Variants in DNAJC13 observed in about 807,000 individuals in gnomAD.
DNAJC13 encodes the protein dnaJ homolog subfamily C member 13.
In DNAJC13, 75 loss-of-function variants were observed where a neutral mutation model predicts 290.5. The ratio of observed to expected loss-of-function variants is 0.26; its 90% CI spans 0.21 to 0.31. The LOEUF is 0.31. Ranked by LOEUF, DNAJC13 falls within the 10% of genes least tolerant of loss-of-function variation. DNAJC13 has a pLI of 1.00. For missense variants in DNAJC13, 2,260 were observed against 2,674.5 expected (o/e 0.85, Z 3.42); for synonymous variants, 862 against 892.0 (o/e 0.97, Z 0.60).
chr3:132,502,273 A>G lies in DNAJC13; in HGVS notation c.4537-16A>G, dbSNP rs1245602062. ...TAACTCTGTAACAACTAATGCTCTC[A>G]TTTTTATTCTCTCAGAGTATTCCCC... On this transcript the variant is annotated splice_polypyrimidine_tract_variant and intron_variant, in intron 39 of 55. Coordinates refer to ENST00000260818, the MANE Select transcript of DNAJC13 (RefSeq NM_015268.4). 4 of 1,541,038 alleles carry G rather than the reference A, an allele frequency of 2.6e-6. No individual in the cohort carries two copies. The highest frequency in any genetic ancestry group is 1.3e-5 in the South Asian group (1 of 79,634).
chr3:132,487,559 A>ATTTTTTTTTTTGTTTTTTTTTTTTTT (rs1934919221), intron 29 of DNAJC13, among the ~76,000 whole-genome samples: 1 of 110,502 alleles, frequency 9.0e-6, no homozygotes, highest in African/African-American at 5.3e-5. Context: ...CCTGGCTGTA[A>ATTTTTTTTTTTGTTTTTTTTTTTTTT]TTTTTTTTTT....
At chr3:132,436,496 A>T (rs998815530) in intron 2 of DNAJC13, among the ~76,000 whole-genome samples, 1 of 152,250 alleles carries the variant, frequency 6.6e-6, no homozygotes, top group Admixed American at 6.5e-5. Flanking sequence ...TATTATGAAT[A>T]ATGCCACTGT....
At chr3:132,525,195 C>T (rs1936216248) in intron 51 of DNAJC13, among the ~76,000 whole-genome samples, 1 of 152,108 alleles carries the variant, frequency 6.6e-6, no homozygotes, top group African/African-American at 2.4e-5. Context: ...ACAAAATTAG[C>T]CAGGCGTGGT....
chr3:132,482,608 C>T (rs1415455316), intron 27 of DNAJC13, among the ~76,000 whole-genome samples: 1 of 152,118 alleles, frequency 6.6e-6, no homozygotes, highest in Non-Finnish European at 1.5e-5. Context: ...TAGTGGCTTA[C>T]ACCTGTAATT....
intron 26 of DNAJC13, 114 bp downstream of exon 26, chr3:132,480,584 T>C: frequency 1.4e-6 from 1 of 726,890 alleles, no homozygotes; most frequent in Non-Finnish European, 2.3e-6. Flanking sequence ...TTTCCAGTAA[T>C]TACAGTAGTA....
chr3:132,536,546 C>G (rs1936598499), intron 55 of DNAJC13, among the ~76,000 whole-genome samples: 1 of 152,128 alleles, frequency 6.6e-6, no homozygotes, highest in South Asian at 2.1e-4. Flanking sequence ...TGATGGGAAC[C>G]AAGTTGAGCC....
chr3:132,462,326 CTGACTT>C (rs1298961390), intron 15 of DNAJC13, 135 bp from the exon 16 acceptor site: 3 of 691,148 alleles, frequency 4.3e-6, no homozygotes, highest in Non-Finnish European at 7.1e-6. Flanking sequence ...TTTAACCAAA[CTGACTT>C]TGAGATGTAT....
chr3:132,455,634 G>C (rs1232138302), intron 9 of DNAJC13, among the ~76,000 whole-genome samples: 2 of 152,114 alleles, frequency 1.3e-5, no homozygotes, highest in African/African-American at 4.8e-5. Context: ...TCATACAATG[G>C]AATACTACTC....
intron 34 of DNAJC13, among the ~76,000 whole-genome samples, 187 bp downstream of exon 34, chr3:132,494,446 T>A (rs1432250294): frequency 6.6e-6 from 1 of 152,212 alleles, no homozygotes; most frequent in Non-Finnish European, 1.5e-5. Context: ...TTAGCCAAAT[T>A]GTATCCTCCT....
chr3:132,461,584 T>C (rs1190902608), intron 15 of DNAJC13, among the ~76,000 whole-genome samples: 1 of 152,232 alleles, frequency 6.6e-6, no homozygotes. Flanking sequence ...ATTGGTACAT[T>C]TTGAGTGTAC....
At chr3:132,513,192 T>C in intron 45 of DNAJC13, 93 bp downstream of exon 45, 1 of 1,081,692 alleles carries the variant, frequency 9.2e-7, no homozygotes, top group Non-Finnish European at 1.4e-6. Flanking sequence ...AGTTGAAGTG[T>C]GCTTTTTTGT....
At position 132,496,675 on chromosome 3, in the gene DNAJC13, G is replaced by C. The variant is rs1325365951; in HGVS notation, c.4156+12G>C. 1 of 1,587,844 alleles carries C rather than the reference G, an allele frequency of 6.3e-7. No individual in the cohort carries two copies. Among genetic ancestry groups the C allele is most frequent in the Non-Finnish European group, 8.6e-7 (1 of 1,169,298 alleles). ...CCGTCATAAAGAAGGTAAGATGTCT[G>C]TTCTCAGATTTTAATTTATCCTCCA... On this transcript the variant is annotated intron_variant, in intron 36 of 55. Coordinates refer to ENST00000260818, the MANE Select transcript of DNAJC13 (RefSeq NM_015268.4).
chr3:132,506,043 A>ATTTTTTTT (rs1426895687), intron 42 of DNAJC13, among the ~76,000 whole-genome samples: 2 of 53,170 alleles, frequency 3.8e-5, no homozygotes, highest in East Asian at 1.2e-3. Flanking sequence ...TCTGTACATT[A>ATTTTTTTT]TCTTTTTTTT....
chr3:132,447,937 A>C lies in DNAJC13; in HGVS notation c.334A>C (p.Arg112=), dbSNP rs1933304139. 5 of 1,548,504 alleles carry C rather than the reference A, an allele frequency of 3.2e-6. No homozygotes were observed. The highest frequency in any genetic ancestry group is 4.4e-6 in the Non-Finnish European group (5 of 1,123,900). ...TDFSEGKITG[R]RYNCYKHHWS... is the part of the protein sequence containing the mutation. ...TTTTTCAGAGGGAAAAATCACAGGA[A>C]GGGTAAATATTTAACATTTATTATG... The change falls in exon 5 of 56, where the codon AGG becomes CGG. Residue 112 remains arginine, a splice_region_variant and synonymous_variant. Transcript: ENST00000260818.
intron 2 of DNAJC13, among the ~76,000 whole-genome samples, chr3:132,436,544 C>T (rs1273799929): frequency 6.6e-6 from 1 of 152,120 alleles, no homozygotes; most frequent in Non-Finnish European, 1.5e-5. Context: ...GTGTATATAC[C>T]TAAGAGTGGA....
In DNAJC13 at chr3:132,450,746, A is replaced by C; in HGVS notation, c.436A>C (p.Arg146=). The C allele has an allele frequency of 5.0e-6, 8 of 1,611,876 alleles. No individual in the cohort carries two copies. Among genetic ancestry groups the C allele is most frequent in the East Asian group, 2.2e-5 (1 of 44,786 alleles). ...TGACCAAATTAATCCTGCAACCAAC[A>C]GAGTACTCTGTTCCTATGACTATAG... The part of the protein sequence containing the change: ...GFDQINPATN[R]VLCSYDYRNI... Residue 146 remains arginine (R), a synonymous_variant, in exon 6 of 56, where the codon AGA becomes CGA. Coordinates refer to ENST00000260818, the MANE Select transcript of DNAJC13 (RefSeq NM_015268.4).
Position 132,456,265 on chromosome 3 carries a change from A to C in DNAJC13, c.963A>C (p.Gly321=). Residue 321 remains glycine, a synonymous_variant, in exon 10 of 56, where the codon GGA becomes GGC. Transcript: ENST00000260818. ...CCTTATTAGCAAGTTTGCTGGATGG[A>C]GTAAGAGCCTCTGGTAATAGAGATG... ...RDSLLASLLD[G]VRASGNRDVC... The C allele has an allele frequency of 6.2e-7, 1 of 1,613,840 alleles. No homozygotes were observed. Among genetic ancestry groups the C allele is most frequent in the Non-Finnish European group, 8.5e-7 (1 of 1,179,806 alleles).
At chr3:132,456,183 T>C (rs183123032) in intron 9 of DNAJC13, 52 bp from the exon 10 acceptor site, 32 of 1,558,470 alleles carry the variant, frequency 2.1e-5, no homozygotes, top group Non-Finnish European at 2.8e-5. Context: ...TAGATCAAAA[T>C]TCCCCTTAAT....
intron 12 of DNAJC13, 56 bp from the exon 13 acceptor site, chr3:132,457,213 T>C (rs767716316): frequency 8.8e-5 from 111 of 1,260,196 alleles, no homozygotes; most frequent in African/African-American, 3.3e-4. Flanking sequence ...TTCAATAATA[T>C]AACAATTTAA....
Sources: allele counts gnomAD v4.1 joint callset (sites outside exome capture counted in the v4.1 genomes callset), GRCh38; gene constraint gnomAD v4.1.1; transcripts MANE v1.5; gene names NCBI Gene and HGNC (gene_info 2026-07-23, HGNC 2026-07-21).